The following BIN1 variants were observed in gnomAD, a reference collection of about 807,000 sequenced individuals.
The protein encoded by BIN1 is bridging integrator 1, also known as myc box-dependent-interacting protein 1.
Under a neutral mutation model 82.0 loss-of-function variants are expected in BIN1, and 53 were observed. That is an observed-to-expected ratio of 0.65 (90% CI 0.52 to 0.81). BIN1 has a LOEUF of 0.81. BIN1 is among the 40% of genes least tolerant of loss of function. BIN1 has a pLI of 0.00. For synonymous variants in BIN1, 302 were observed against 328.0 expected (o/e 0.92, Z 0.86); for missense variants, 642 against 784.4 (o/e 0.82, Z 2.17).
intron 1 of BIN1, among the ~76,000 whole-genome samples, chr2:127,079,889 T>TACAGAAAGCCCTCAGCCCTGAGGGGTG (rs1230125726): frequency 6.6e-6 from 1 of 152,158 alleles, no homozygotes; most frequent in African/African-American, 2.4e-5. Flanking sequence ...AAGGGTAATG[T>TACAGAAAGCCCTCAGCCCTGAGGGGTG]ACAGAAAGCC....
chr2:127,084,225 G>A (rs1163435098), intron 1 of BIN1, among the ~76,000 whole-genome samples: 1 of 152,236 alleles, frequency 6.6e-6, no homozygotes, highest in Non-Finnish European at 1.5e-5. Flanking sequence ...TGAAGTCTGA[G>A]AAGCACTGCA....
At chr2:127,052,409 G>C (rs778204035) in intron 14 of BIN1, 47 bp from the exon 15 acceptor site, 7 of 1,501,744 alleles carry the variant, frequency 4.7e-6, no homozygotes, top group Non-Finnish European at 6.3e-6. Context: ...CGGGGAGGCC[G>C]GGGTGGAAAG....
chr2:127,097,274 C>A (rs898116654), intron 1 of BIN1, among the ~76,000 whole-genome samples: 2 of 152,186 alleles, frequency 1.3e-5, no homozygotes, highest in African/African-American at 4.8e-5. Flanking sequence ...GCCGCCAGCT[C>A]TCCAGGCCCA....
chr2:127,048,715 G>A, intron 18 of BIN1, 82 bp from the exon 19 acceptor site: 1 of 1,348,846 alleles, frequency 7.4e-7, no homozygotes, highest in Non-Finnish European at 1.1e-6. Context: ...CAACCTGCTG[G>A]GAAGACGGCC....
Position 127,052,352 on chromosome 2 carries a change from C to T in BIN1, c.1274G>A (p.Ser425Asn), listed in dbSNP as rs1683072257. The T allele has an allele frequency of 1.3e-6, 2 of 1,579,660 alleles. No homozygotes were observed. Among genetic ancestry groups the T allele is most frequent in the African/African-American group, 1.3e-5 (1 of 74,524 alleles). ...IPWDLWEPTESPAGSLPSGEP... is the reference protein window; with the variant it reads ...IPWDLWEPTENPAGSLPSGEP... ...CCCGGAAGGCAGGCTGCCGGCTGGACTCTCTGTGGGCTGGTAACAGGCCAC... is the reference window on the plus strand; with the variant it reads ...CCCGGAAGGCAGGCTGCCGGCTGGATTCTCTGTGGGCTGGTAACAGGCCAC... Residue 425 changes from serine (S) to asparagine (N), a missense_variant, in exon 15 of 19, where the codon AGT becomes AAT. Ser to Asn is a conservative substitution (Grantham distance 46). Transcript: ENST00000316724.
intron 1 of BIN1, among the ~76,000 whole-genome samples, chr2:127,091,371 A>C (rs2105276564): frequency 6.6e-6 from 1 of 152,312 alleles, no homozygotes; most frequent in South Asian, 2.1e-4. Context: ...CACAAGTGTG[A>C]GTGCTGTTCT....
At position 127,077,667 on chromosome 2, in the gene BIN1, G is replaced by A. The variant is rs981582308; in HGVS notation, c.85-961C>T. Among the ~76,000 whole-genome samples, 3 of 151,904 alleles carry A rather than the reference G, an allele frequency of 2.0e-5. No individual in the cohort carries two copies. In the South Asian group the frequency reaches 6.3e-4, roughly 32 times the overall value. ...GAGGCAAGGAGCGGTGGTGGGGCAC[G>A]GTAGGAAAGAGCAGGAGAAGAAAAA... On this transcript the variant is annotated intron_variant, in intron 1 of 18. Coordinates refer to ENST00000316724, the MANE Select transcript of BIN1 (RefSeq NM_139343.3).
Position 127,051,220 on chromosome 2 carries a change from C to A in BIN1, c.1395G>T (p.Ala465=). ...PAQPAEASEV[A]GGTQPAAGAQ... ...CTCCAGCCGCAGGTTGGGTCCCACCCGCCACCTCCGAGGCCTCTGCTGGCT... is the reference window on the plus strand; with the variant it reads ...CTCCAGCCGCAGGTTGGGTCCCACCAGCCACCTCCGAGGCCTCTGCTGGCT... The change falls in exon 16 of 19, where the codon GCG becomes GCT. Residue 465 remains alanine (A), a synonymous_variant. Transcript: ENST00000316724. 1 of 1,613,796 alleles carries A rather than the reference C, an allele frequency of 6.2e-7. No individual in the cohort carries two copies. Among genetic ancestry groups the A allele is most frequent in the Non-Finnish European group, 8.5e-7 (1 of 1,179,960 alleles).
chr2:127,096,375 G>T (rs954961546), intron 1 of BIN1, among the ~76,000 whole-genome samples: 7 of 152,238 alleles, frequency 4.6e-5, no homozygotes, highest in Admixed American at 3.9e-4. Context: ...GACGCCCGTG[G>T]GCTGTCATGA....
rs200580275 is a variant in BIN1 at position 127,051,230 on chromosome 2, G to A, written c.1385C>T (p.Ser462Leu). 220 of 1,613,610 alleles carry A rather than the reference G, an allele frequency of 1.4e-4. 1 individual carries two copies. The highest frequency in any genetic ancestry group is 4.0e-5 in the African/African-American group (3 of 74,900). Residue 462 changes from serine (S) to leucine (L), a missense_variant, in exon 16 of 19, where the codon TCG (serine) becomes TTG (leucine). Transcript: ENST00000316724. ...EPGPAQPAEA[S>L]EVAGGTQPAA... ...AGGTTGGGTCCCACCCGCCACCTCCGAGGCCTCTGCTGGCTGCAACATAAA... is the reference window on the plus strand; with the variant it reads ...AGGTTGGGTCCCACCCGCCACCTCCAAGGCCTCTGCTGGCTGCAACATAAA...
At chr2:127,062,662 CTT>C (rs1472390447) in intron 9 of BIN1, among the ~76,000 whole-genome samples, 1 of 152,186 alleles carries the variant, frequency 6.6e-6, no homozygotes, top group Non-Finnish European at 1.5e-5. Context: ...ATATTCCTCT[CTT>C]TGATTTGGCC....
chr2:127,097,788 C>T (rs536117270), intron 1 of BIN1, among the ~76,000 whole-genome samples: 1 of 152,328 alleles, frequency 6.6e-6, no homozygotes, highest in South Asian at 2.1e-4. Flanking sequence ...GCCCGCCTCA[C>T]CCAAGGGCCC....
At chr2:127,053,247 C>T (rs1340442459) in intron 14 of BIN1, 175 bp downstream of exon 14, 2 of 876,884 alleles carry the variant, frequency 2.3e-6, no homozygotes, top group Non-Finnish European at 3.7e-6. Flanking sequence ...AGCAGAATGG[C>T]TGGAGGCGGG....
chr2:127,065,522 C>A (rs1185160695), intron 7 of BIN1, among the ~76,000 whole-genome samples: 1 of 152,152 alleles, frequency 6.6e-6, no homozygotes, highest in Non-Finnish European at 1.5e-5. Context: ...CCTAGGGGTA[C>A]TGTTGTGAGC....
rs1382482366 is a variant in BIN1 at position 127,107,123 on chromosome 2, C to A, written c.-180G>T. ...TGCGCCGGACGGGCGAGCGAGCCAG[C>A]GAGCTAGCCAGCGAGCGACGCGGGG... On this transcript the variant is annotated 5_prime_UTR_variant, in exon 1 of 19. Coordinates refer to ENST00000316724, the MANE Select transcript of BIN1 (RefSeq NM_139343.3). This position sits in a 1 kb window ranked among gnomAD's most constrained non-coding sequence, Gnocchi z 5.9. 1.8e-5 allele frequency: 11 copies of A among 612,090 alleles called. No individual in the cohort carries two copies. Among genetic ancestry groups the A allele is most frequent in the Non-Finnish European group, 2.7e-5 (11 of 414,898 alleles). 37.9% of individuals were successfully genotyped at this position (612,090 alleles called of 1,614,324 possible).
chr2:127,079,383 T>C (rs1388793750), intron 1 of BIN1, among the ~76,000 whole-genome samples: 1 of 152,176 alleles, frequency 6.6e-6, no homozygotes, highest in East Asian at 1.9e-4. Context: ...ATTCAAGAAA[T>C]GGCAAATCCC....
intron 18 of BIN1, 31 bp downstream of exon 18, chr2:127,050,390 C>T (rs1392597621): frequency 6.2e-7 from 1 of 1,612,508 alleles, no homozygotes; most frequent in African/African-American, 1.3e-5. Context: ...TGTGGTCCCC[C>T]TGCGCTCTGG....
At chr2:127,095,009 A>G (rs1679414181) in intron 1 of BIN1, among the ~76,000 whole-genome samples, 1 of 152,220 alleles carries the variant, frequency 6.6e-6, no homozygotes, top group African/African-American at 2.4e-5. Flanking sequence ...GTGACATTCC[A>G]GCTCAGCCAG....
In BIN1 at chr2:127,106,865, C is replaced by T; in HGVS notation, c.79G>A (p.Glu27Lys). 3 of 1,608,700 alleles carry T rather than the reference C, an allele frequency of 1.9e-6. No individual in the cohort carries two copies. In the South Asian group the frequency reaches 3.3e-5, roughly 18 times the overall value. The change falls in exon 1 of 19, where the codon GAG becomes AAG. Residue 27 changes from glutamate (E) to lysine (K), a missense_variant. Transcript: ENST00000316724. ...TGGGGCTCCGGCTCGCTCACCTTCT[C>T]CTGCGCGCGGGTGAGCTTCTTCTGC... ...NVQKKLTRAQ[E>K]KVLQKLGKAD... is the part of the protein sequence containing the mutation.
Sources: gnomAD v4.1 joint callset for allele counts (sites outside exome capture counted in the v4.1 genomes callset) on GRCh38, gnomAD v4.1.1 for gene constraint, Gnocchi (gnomAD v3.1) non-coding constraint, MANE v1.5 for transcripts, NCBI Gene and HGNC (gene_info 2026-07-23, HGNC 2026-07-21) for gene names.